The following COL26A1 variants were observed in gnomAD, a reference collection of about 807,000 sequenced individuals.
COL26A1 encodes collagen type XXVI alpha 1 chain, also known as collagen alpha-1(XXVI) chain.
Under a neutral mutation model 59.3 loss-of-function variants are expected in COL26A1, and 41 were observed. That is an observed-to-expected ratio of 0.69 (90% CI 0.54 to 0.90). COL26A1 has a LOEUF of 0.90. Ranked by LOEUF, COL26A1 falls within the 40% of genes least tolerant of loss-of-function variation. The pLI, the probability that COL26A1 is intolerant of heterozygous loss-of-function variation, is 0.00. For synonymous variants in COL26A1, 266 were observed against 256.0 expected, an observed-to-expected ratio of 1.04 and a Z score of -0.37; for missense variants, 612 against 602.3, an observed-to-expected ratio of 1.02 and a Z score of -0.17.
chr7:101,514,325 G>A (rs1243777615), intron 3 of COL26A1, among the ~76,000 whole-genome samples: 3 of 151,908 alleles, frequency 2.0e-5, no homozygotes, highest in African/African-American at 7.3e-5. Context: ...GTGACAGAGT[G>A]AGACCCTGTC....
chr7:101,440,230 G>A (rs1346884168), intron 2 of COL26A1, among the ~76,000 whole-genome samples: 2 of 152,094 alleles, frequency 1.3e-5, no homozygotes, highest in African/African-American at 2.4e-5. Flanking sequence ...GCCAGGTGTG[G>A]TGGTGTGCGC....
intron 2 of COL26A1, among the ~76,000 whole-genome samples, chr7:101,446,046 C>CAAAAAAAAAAA (rs60343304): frequency 3.9e-5 from 2 of 51,000 alleles, no homozygotes; most frequent in African/African-American, 6.9e-5. Context: ...GACTCCGTCT[C>CAAAAAAAAAAA]AAAAAAAAAA....
At chr7:101,420,447 C>T (rs1258592105) in intron 2 of COL26A1, among the ~76,000 whole-genome samples, 2 of 152,060 alleles carry the variant, frequency 1.3e-5, no homozygotes, top group Non-Finnish European at 2.9e-5. Flanking sequence ...CAGGCTGGAA[C>T]GAGGGGCTAC....
intron 3 of COL26A1, among the ~76,000 whole-genome samples, chr7:101,484,011 G>GTGTT (rs1284925992): frequency 8.6e-5 from 13 of 150,788 alleles, no homozygotes; most frequent in African/African-American, 3.2e-4. Context: ...GTGTGTGTGT[G>GTGTT]TGTGTGTGTG....
chr7:101,551,152 G>A lies in COL26A1; in HGVS notation c.1029+9G>A. On this transcript the variant is annotated intron_variant, in intron 10 of 12. Transcript: ENST00000313669. Reference sequence around the variant, plus strand: ...GCACAGTGGGGCCGTCCGTAAGTGTGGGCTGTGCAGATGGGCCTGGGCCAC... The same window carrying A: ...GCACAGTGGGGCCGTCCGTAAGTGTAGGCTGTGCAGATGGGCCTGGGCCAC... The A allele has an allele frequency of 6.4e-7, 1 of 1,558,480 alleles. No homozygotes were observed. The highest frequency in any genetic ancestry group is 8.7e-7 in the Non-Finnish European group (1 of 1,151,408).
At chr7:101,490,958 C>T (rs1794444562) in intron 3 of COL26A1, among the ~76,000 whole-genome samples, 1 of 136,858 alleles carries the variant, frequency 7.3e-6, no homozygotes, top group East Asian at 2.0e-4. Flanking sequence ...GCACTCCAGC[C>T]TAGGGACAGA....
intron 3 of COL26A1, among the ~76,000 whole-genome samples, chr7:101,512,173 A>G (rs1197248179): frequency 6.6e-6 from 1 of 152,168 alleles, no homozygotes; most frequent in Non-Finnish European, 1.5e-5. Flanking sequence ...CCCCTGAGTC[A>G]GCACAGGGGA....
intron 7 of COL26A1, among the ~76,000 whole-genome samples, chr7:101,546,027 C>T (rs1479367981): frequency 6.6e-6 from 1 of 152,222 alleles, no homozygotes; most frequent in African/African-American, 2.4e-5. Flanking sequence ...AAACTCCGGC[C>T]CTCGGGGGCA....
rs138056071 is a variant in COL26A1 at position 101,480,282 on chromosome 7, A to G, written c.385+32495A>G. On this transcript the variant is annotated intron_variant, in intron 3 of 12. Coordinates refer to ENST00000313669, the MANE Select transcript of COL26A1 (RefSeq NM_001278563.3). ...ATTTGTCTTCTCTTCAGTGTGTCCA[A>G]TAAGACTTTTTATCTGCCAATTTAA... Among the ~76,000 whole-genome samples, 803 of 152,252 alleles carry G rather than the reference A, an allele frequency of 5.3e-3. 2 individuals are homozygous for G. The highest frequency in any genetic ancestry group is 8.0e-3 in the Non-Finnish European group (545 of 68,020).
intron 3 of COL26A1, among the ~76,000 whole-genome samples, chr7:101,494,945 G>A (rs1226840761): frequency 2.0e-5 from 3 of 152,188 alleles, no homozygotes; most frequent in South Asian, 2.1e-4. Flanking sequence ...GAGAGGGGCT[G>A]CCTTCATCTC....
chr7:101,531,939 C>G (rs1262792280), intron 3 of COL26A1, among the ~76,000 whole-genome samples: 1 of 152,096 alleles, frequency 6.6e-6, no homozygotes, highest in Non-Finnish European at 1.5e-5. Flanking sequence ...GTGGTCAGCC[C>G]CAGCACGCAG....
At chr7:101,452,086 G>A (rs1793354217) in intron 3 of COL26A1, among the ~76,000 whole-genome samples, 1 of 152,182 alleles carries the variant, frequency 6.6e-6, no homozygotes, top group African/African-American at 2.4e-5. Context: ...ATAGTGAGCG[G>A]TAACTCAAAG....
intron 2 of COL26A1, among the ~76,000 whole-genome samples, chr7:101,439,197 T>C (rs1021508224): frequency 6.6e-6 from 1 of 151,746 alleles, no homozygotes; most frequent in African/African-American, 2.4e-5. Flanking sequence ...CCTGAAGGGG[T>C]GCCAACAGAC....
At chr7:101,538,348 G>A (rs1483467148) in intron 4 of COL26A1, among the ~76,000 whole-genome samples, 2 of 152,220 alleles carry the variant, frequency 1.3e-5, no homozygotes, top group Non-Finnish European at 2.9e-5. Context: ...AAGCTCAGCC[G>A]GGGTTGAGAC....
chr7:101,531,333 C>T (rs1410129985), intron 3 of COL26A1, among the ~76,000 whole-genome samples: 1 of 152,216 alleles, frequency 6.6e-6, no homozygotes, highest in African/African-American at 2.4e-5. Flanking sequence ...TGTGTTCAAT[C>T]CACCATGTTT....
intron 3 of COL26A1, among the ~76,000 whole-genome samples, chr7:101,479,035 C>G (rs1209238782): frequency 1.3e-5 from 2 of 152,196 alleles, no homozygotes; most frequent in African/African-American, 4.8e-5. Context: ...ATTGCTTCTG[C>G]TTTTTCACAA....
At chr7:101,497,432 T>C (rs1794614114) in intron 3 of COL26A1, among the ~76,000 whole-genome samples, 1 of 152,058 alleles carries the variant, frequency 6.6e-6, no homozygotes, top group South Asian at 2.1e-4. Context: ...CCCAGCACTT[T>C]GGAAGGTCAA....
At chr7:101,477,088 C>T (rs1794065732) in intron 3 of COL26A1, among the ~76,000 whole-genome samples, 2 of 152,100 alleles carry the variant, frequency 1.3e-5, no homozygotes, top group South Asian at 4.1e-4. Flanking sequence ...AGGTGATCTG[C>T]CCGCCTCAGC....
intron 2 of COL26A1, among the ~76,000 whole-genome samples, chr7:101,429,511 A>G (rs1297947002): frequency 6.6e-6 from 1 of 151,364 alleles, no homozygotes; most frequent in Non-Finnish European, 1.5e-5. Context: ...AGTCTTGATT[A>G]CTATGGCTAT....
Sources: gnomAD v4.1 joint callset for allele counts (sites outside exome capture counted in the v4.1 genomes callset) on GRCh38, gnomAD v4.1.1 for gene constraint, MANE v1.5 for transcripts, NCBI Gene and HGNC (gene_info 2026-07-23, HGNC 2026-07-21) for gene names.